AIFM1: variants seen among roughly 807,000 people sequenced by gnomAD.
AIFM1 encodes apoptosis-inducing factor 1, mitochondrial.
A neutral mutation model predicts 51.7 loss-of-function variants in AIFM1; 3 were observed. The ratio of observed to expected loss-of-function variants is 0.06; its 90% CI spans 0.03 to 0.15. AIFM1 has a LOEUF of 0.15. AIFM1 is among the 10% of genes least tolerant of loss of function. AIFM1 has a pLI of 1.00. For missense variants in AIFM1, 330 were observed against 476.8 expected (o/e 0.69, Z 2.87); for synonymous variants, 178 against 179.4 (o/e 0.99, Z 0.06).
chrX:130,129,902 A>T, intron 15 of AIFM1, 68 bp downstream of exon 15: 15 of 1,169,340 alleles, frequency 1.3e-5, no homozygotes, highest in Non-Finnish European at 1.6e-5. Context: ...AGGGCACCCG[A>T]TGAAGTTACA....
chrX:130,160,272 T>C (rs2031305493), intron 1 of AIFM1, among the ~76,000 whole-genome samples: 1 of 111,927 alleles, frequency 8.9e-6, no homozygotes, highest in Non-Finnish European at 1.9e-5. Context: ...AGCTTCAAAA[T>C]TTTAGGAAAT....
intron 2 of AIFM1, among the ~76,000 whole-genome samples, chrX:130,152,229 T>C (rs1414625873): frequency 9.0e-6 from 1 of 111,640 alleles, no homozygotes; most frequent in Non-Finnish European, 1.9e-5. Flanking sequence ...TTGAGAGGAA[T>C]ATCCCAAAAT....
chrX:130,136,520 A>C, intron 11 of AIFM1, 123 bp downstream of exon 11: 1 of 651,736 alleles, frequency 1.5e-6, no homozygotes, highest in South Asian at 2.3e-5. Context: ...TCGGAAAATT[A>C]TATCAGGTTA....
chrX:130,153,178 C>CAAAAAAAAA (rs34591824), intron 2 of AIFM1, among the ~76,000 whole-genome samples: 490 of 42,593 alleles, frequency 0.012, no homozygotes, highest in Non-Finnish European at 0.015. Context: ...ACTAAAAATA[C>CAAAAAAAAA]AAAAAAAAAA....
chrX:130,155,122 T>C (rs1466995775), intron 2 of AIFM1: 1 of 1,207,100 alleles, frequency 8.3e-7, no homozygotes, highest in Non-Finnish European at 1.1e-6. Context: ...TCACCCACCC[T>C]ACCCCAAAAT....
At chrX:130,144,797 G>T (rs981483683) in intron 6 of AIFM1, among the ~76,000 whole-genome samples, 5 of 112,348 alleles carry the variant, frequency 4.5e-5, no homozygotes, top group Non-Finnish European at 9.4e-5. Flanking sequence ...ACACATAGGG[G>T]ACACTAAATG....
chrX:130,163,304 CAAA>C (rs10708248), intron 1 of AIFM1, among the ~76,000 whole-genome samples: 6 of 66,841 alleles, frequency 9.0e-5, no homozygotes, highest in Admixed American at 1.7e-4. Flanking sequence ...GACTCCGCCT[CAAA>C]AAAAAAAAAA....
In AIFM1 at chrX:130,133,245, ACT is replaced by A. The variant is rs772736470; in HGVS notation, c.1448+66_1448+67del. ...TGGCTCATAATAAAACCAAACCATA[ACT>A]CTGTGTTATGGTCCTAGAGATACTG... On this transcript the variant is annotated intron_variant, in intron 13 of 15. Transcript: ENST00000287295. 5.4e-4 allele frequency: 635 copies of A among 1,184,338 alleles called. 9 individuals are homozygous for A. The South Asian group carries it at 0.01, about 19-fold the overall frequency.
chrX:130,140,793 C>T (rs1201958039), intron 6 of AIFM1, among the ~76,000 whole-genome samples, 176 bp from the exon 7 acceptor site: 1 of 112,471 alleles, frequency 8.9e-6, no homozygotes, highest in Non-Finnish European at 1.9e-5. Context: ...ACATTTCCAT[C>T]ACCACCCCAA....
At chrX:130,139,647 G>T (rs2030504906) in intron 8 of AIFM1, 148 bp downstream of exon 8, 1 of 534,683 alleles carries the variant, frequency 1.9e-6, no homozygotes, top group South Asian at 2.5e-5. Context: ...GAGAGAGGAA[G>T]TGACTTGTTC....
intron 2 of AIFM1, among the ~76,000 whole-genome samples, chrX:130,151,893 C>T (rs893792181): frequency 8.2e-5 from 9 of 109,869 alleles, no homozygotes; most frequent in African/African-American, 3.0e-4. Context: ...ACAAAAAGTA[C>T]CTGGGTGTGG....
At position 130,138,709 on chromosome X, in the gene AIFM1, A is replaced by T; in HGVS notation, c.859-8T>A. On this transcript the variant is annotated splice_region_variant and splice_polypyrimidine_tract_variant and intron_variant, in intron 8 of 15. Transcript: ENST00000287295. ...GCTTCTAAAGTCTCCAATCTGCAGG[A>T]TCACATCAGTTTAGTCCATTAATTT... The T allele has an allele frequency of 8.8e-7, 1 of 1,133,298 alleles. No individual in the cohort carries two copies. The highest frequency in any genetic ancestry group is 1.2e-6 in the Non-Finnish European group (1 of 823,962). 93.4% of individuals were successfully genotyped at this position (1,133,298 alleles called of 1,213,427 possible).
chrX:130,133,628 A>C (rs2030198156), intron 12 of AIFM1, among the ~76,000 whole-genome samples, 173 bp from the exon 13 acceptor site: 1 of 73,328 alleles, frequency 1.4e-5, no homozygotes, highest in African/African-American at 7.0e-5. Flanking sequence ...TAACCCATTT[A>C]AATTTTTTTT....
chrX:130,164,738 T>C (rs994125856), intron 1 of AIFM1, among the ~76,000 whole-genome samples: 5 of 111,005 alleles, frequency 4.5e-5, no homozygotes, highest in Middle Eastern at 4.2e-3. Flanking sequence ...CAGTATGGAG[T>C]TGCAGCGAAG....
At chrX:130,142,643 GTTTTA>G (rs907746588) in intron 6 of AIFM1, among the ~76,000 whole-genome samples, 2 of 111,133 alleles carry the variant, frequency 1.8e-5, no homozygotes, top group African/African-American at 6.5e-5. Context: ...AATGGTATCT[GTTTTA>G]TTTTATTAAT....
At position 130,137,773 on chromosome X, in the gene AIFM1, T is replaced by C; in HGVS notation, c.968-588A>G. On this transcript the variant is annotated intron_variant, in intron 9 of 15. Transcript: ENST00000287295. Reference sequence around the variant, plus strand: ...AGAGGAAAAGAAAGGAAAGAAAGTATTGCTGTTGGCCAGGTGCAGTGACTC... The same window carrying C: ...AGAGGAAAAGAAAGGAAAGAAAGTACTGCTGTTGGCCAGGTGCAGTGACTC... 4.0e-6 allele frequency: 4 copies of C among 998,425 alleles called. No individual in the cohort carries two copies. In the South Asian group the frequency reaches 1.3e-4, roughly 33 times the overall value. The allele number at this position is 998,425 out of a possible 1,213,427, so 82.3% of individuals were successfully genotyped here.
intron 9 of AIFM1, 169 bp from the exon 10 acceptor site, chrX:130,137,354 A>G: frequency 8.6e-7 from 1 of 1,156,359 alleles, no homozygotes; most frequent in Non-Finnish European, 1.2e-6. Context: ...TCGGTGCTCA[A>G]GTTCATTTGT....
rs149692850 is a variant in AIFM1, at chrX:130,147,963, G to A, written c.350-87C>T. ...GTTAAAAAAAAATCACCTTGCACTTGTCTCAATCCTCCACATAAAGCTAGC... is the reference window on the plus strand; with the variant it reads ...GTTAAAAAAAAATCACCTTGCACTTATCTCAATCCTCCACATAAAGCTAGC... On this transcript the variant is annotated intron_variant, in intron 3 of 15. Coordinates refer to ENST00000287295, the MANE Select transcript of AIFM1 (RefSeq NM_004208.4). 0.02 allele frequency: 22,721 copies of A among 1,113,185 alleles called. 226 individuals are homozygous for A. Among genetic ancestry groups the A allele is most frequent in the Non-Finnish European group, 0.022 (17,559 of 807,657 alleles). 91.7% of individuals were successfully genotyped at this position (1,113,185 alleles called of 1,213,427 possible).
rs368593254 is a variant in AIFM1, at chrX:130,160,084, C to A, written c.107-3481G>T. ...AAAAGTAAACTGGTTAATATTTAAA[C>A]TACTGCTTGAAAAGAAATGTAATAC... On this transcript the variant is annotated intron_variant, in intron 1 of 15. Transcript: ENST00000287295. Among the ~76,000 whole-genome samples the A allele has an allele frequency of 7.1e-5, 8 of 112,051 alleles. No homozygotes were observed. The East Asian group carries it at 1.7e-3, about 23-fold the overall frequency.
Sources: allele counts gnomAD v4.1 joint callset (sites outside exome capture counted in the v4.1 genomes callset), GRCh38; gene constraint gnomAD v4.1.1; transcripts MANE v1.5; gene names NCBI Gene and HGNC (gene_info 2026-07-23, HGNC 2026-07-21).